Variants in GATAD1 observed in about 807,000 individuals in gnomAD.
GATAD1 encodes the protein GATA zinc finger domain containing 1, also known as GATA zinc finger domain-containing protein 1.
A neutral mutation model predicts 26.5 loss-of-function variants in GATAD1; 12 were observed. The ratio of observed to expected loss-of-function variants is 0.45; its 90% CI spans 0.29 to 0.73. GATAD1 has a LOEUF of 0.73. GATAD1 is among the 30% of genes least tolerant of loss of function. The probability of loss-of-function intolerance (pLI) is 0.10; values close to 1 mark genes in which losing one functional copy is unlikely to be tolerated. For missense variants in GATAD1, 266 were observed against 342.1 expected (o/e 0.78, Z 1.75); for synonymous variants, 129 against 133.1 (o/e 0.97, Z 0.21).
At chr7:92,448,328 A>G (rs943322897) in intron 1 of GATAD1, among the ~76,000 whole-genome samples, 5 of 152,212 alleles carry the variant, frequency 3.3e-5, no homozygotes, top group Admixed American at 6.5e-5. Flanking sequence ...TTATTATGTC[A>G]TTATTGTAAA....
the GATAD1 span, chr7:92,490,208 T>C: frequency 2.7e-6 from 1 of 369,592 alleles, no homozygotes; most frequent in Non-Finnish European, 4.9e-6. Flanking sequence ...TTTCTTCATT[T>C]TCAGAAAGTA....
rs969376521 is a variant in GATAD1 at position 92,447,496 on chromosome 7, C to T, written c.-234C>T. 2 of 352,624 alleles carry T rather than the reference C, an allele frequency of 5.7e-6. No homozygotes were observed. The highest frequency in any genetic ancestry group is 4.9e-6 in the Non-Finnish European group (1 of 202,088). 21.8% of individuals were successfully genotyped at this position (352,624 alleles called of 1,614,324 possible). On this transcript the variant is annotated 5_prime_UTR_variant, in exon 1 of 5. Transcript: ENST00000287957. ...CGGCCAGATCCCTTTCCCAGTCCTG[C>T]TTCCCAGTGCCTCGGGCCAGGGAAT...
At chr7:92,483,644 G>C in the GATAD1 span, among the ~76,000 whole-genome samples, 1 of 152,354 alleles carries the variant, frequency 6.6e-6, no homozygotes, top group South Asian at 2.1e-4. Flanking sequence ...GAGCGTAAAC[G>C]CTAACTGATT....
the GATAD1 span, chr7:92,489,831 C>A: frequency 1.2e-6 from 2 of 1,613,994 alleles, no homozygotes; most frequent in Non-Finnish European, 1.7e-6. Context: ...ACACTGGAGG[C>A]TGTGAAAACA....
chr7:92,476,255 A>G, the GATAD1 span, among the ~76,000 whole-genome samples: 1 of 152,122 alleles, frequency 6.6e-6, no homozygotes, highest in Non-Finnish European at 1.5e-5. Flanking sequence ...TGCTTTTTTT[A>G]TTAGAATAAT....
At chr7:92,475,781 C>T in the GATAD1 span, among the ~76,000 whole-genome samples, 4 of 152,186 alleles carry the variant, frequency 2.6e-5, no homozygotes, top group Admixed American at 1.3e-4. Context: ...GGCTGGGTTC[C>T]TATTTTATAA....
At chr7:92,476,411 T>C in the GATAD1 span, among the ~76,000 whole-genome samples, 1 of 152,200 alleles carries the variant, frequency 6.6e-6, no homozygotes, top group African/African-American at 2.4e-5. Context: ...AAGCTACGGG[T>C]TGTCAATGGC....
At position 92,458,339 on chromosome 7, in the gene GATAD1, A is replaced by T. The variant is rs893984226; in HGVS notation, c.*1777A>T. ...ATGTCGAGATCAGGCTTCCTGCTTG[A>T]TAGTCTCTTGACTACCATTAAAACG... is the stretch of plus-strand genomic sequence containing the variant. On this transcript the variant is annotated 3_prime_UTR_variant, in exon 5 of 5. Transcript: ENST00000287957. 4 of 152,196 alleles carry T rather than the reference A, an allele frequency of 2.6e-5. No individual in the cohort carries two copies. The highest frequency in any genetic ancestry group is 9.7e-5 in the African/African-American group (4 of 41,442). 9.4% of individuals were successfully genotyped at this position (152,196 alleles called of 1,614,324 possible).
At position 92,458,507 on chromosome 7, in the gene GATAD1, C is replaced by A. The variant is rs191480624; in HGVS notation, c.*1945C>A. ...CTAGAATTCAGGTGCAGGTCTTTGC[C>A]GGTTAAGTAAGGGAGCAACACGTAA... On this transcript the variant is annotated 3_prime_UTR_variant, in exon 5 of 5. Coordinates refer to ENST00000287957, the MANE Select transcript of GATAD1 (RefSeq NM_021167.5). 6.6e-6 allele frequency: 1 copy of A among 152,198 alleles called. No homozygotes were observed. Among genetic ancestry groups the A allele is most frequent in the African/African-American group, 2.4e-5 (1 of 41,428 alleles). The allele number at this position is 152,198 out of a possible 1,614,324, so 9.4% of individuals were successfully genotyped here. A position where few individuals can be genotyped will look rare whatever the true frequency, so the allele number is the denominator to read the frequency against.
At chr7:92,491,736 T>C in the GATAD1 span, 14 of 479,038 alleles carry the variant, frequency 2.9e-5, no homozygotes, top group South Asian at 3.1e-4. Context: ...CAAGAAAGTC[T>C]GTAATGAAGC....
the GATAD1 span, among the ~76,000 whole-genome samples, chr7:92,491,832 T>TA: frequency 5.3e-5 from 8 of 152,172 alleles, no homozygotes; most frequent in Non-Finnish European, 1.2e-4. Context: ...TCAACCATGT[T>TA]ATAGAGTGCT....
chr7:92,469,352 T>C, the GATAD1 span: 1 of 765,768 alleles, frequency 1.3e-6, no homozygotes, highest in Non-Finnish European at 2.4e-6. Flanking sequence ...TAGAACTGAG[T>C]AGAGGTTGTG....
the GATAD1 span, chr7:92,465,320 TGAA>T: frequency 6.6e-6 from 1 of 152,232 alleles, no homozygotes; most frequent in African/African-American, 2.4e-5. Context: ...TCTTTTCTGT[TGAA>T]GAAGAGGCAA....
At chr7:92,491,513 C>A in the GATAD1 span, 2 of 1,489,382 alleles carry the variant, frequency 1.3e-6, no homozygotes, top group Non-Finnish European at 1.9e-6. Context: ...CTAAAATACA[C>A]AAAAGGACAA....
chr7:92,479,588 T>C, the GATAD1 span, among the ~76,000 whole-genome samples: 3 of 152,334 alleles, frequency 2.0e-5, no homozygotes, highest in Admixed American at 2.0e-4. Context: ...AGGCCTGACA[T>C]TGCTGTCTTC....
At chr7:92,493,094 G>A in the GATAD1 span, 1 of 1,610,888 alleles carries the variant, frequency 6.2e-7, no homozygotes, top group Non-Finnish European at 8.5e-7. Flanking sequence ...GAGGTAGAGA[G>A]TCACTGAGGA....
In GATAD1 at chr7:92,456,529, A is replaced by G; in HGVS notation, c.777A>G (p.Ile259Met). The G allele has an allele frequency of 6.2e-7, 1 of 1,612,576 alleles. No individual in the cohort carries two copies. The highest frequency in any genetic ancestry group is 8.5e-7 in the Non-Finnish European group (1 of 1,179,310). Residue 259 changes from isoleucine (I) to methionine (M), a missense_variant, in exon 5 of 5, where the codon ATA (isoleucine) becomes ATG (methionine). By Grantham distance (10) the Ile-to-Met change is conservative. Transcript: ENST00000287957. ...CTCATGTTGGGCCTACTCCTGCAAT[A>G]ACAATTAAGGAATCAGTTGCCAACC... ...IWTHVGPTPA[I>M]TIKESVANHL
the GATAD1 span, among the ~76,000 whole-genome samples, chr7:92,467,619 TTAA>T: frequency 4.6e-5 from 7 of 152,226 alleles, no homozygotes; most frequent in Non-Finnish European, 1.0e-4. Flanking sequence ...CAAAGCTGAA[TTAA>T]TTGCTTACTA....
the GATAD1 span, chr7:92,487,566 A>G: frequency 9.5e-7 from 1 of 1,048,606 alleles, no homozygotes; most frequent in South Asian, 1.3e-5. Flanking sequence ...AGATAATTTA[A>G]TATGTATAAA....
Sources: allele counts gnomAD v4.1 joint callset (sites outside exome capture counted in the v4.1 genomes callset), GRCh38; gene constraint gnomAD v4.1.1; transcripts MANE v1.5; gene names NCBI Gene and HGNC (gene_info 2026-07-23, HGNC 2026-07-21).